The following KLHL6 variants were observed in gnomAD, a reference collection of about 807,000 sequenced individuals.
KLHL6 encodes the protein kelch-like protein 6.
KLHL6 carries 41 observed loss-of-function variants against 58.6 expected under a neutral mutation model. That is an observed-to-expected ratio of 0.70 (90% CI 0.55 to 0.91). The LOEUF is 0.91. KLHL6 is among the 40% of genes least tolerant of loss of function. The pLI is 0.00. For synonymous variants in KLHL6, 338 were observed against 322.7 expected (o/e 1.05, Z -0.51); for missense variants, 714 against 805.6 (o/e 0.89, Z 1.38).
chr3:183,537,563 G>A (rs547907610), intron 1 of KLHL6, among the ~76,000 whole-genome samples: 76 of 152,246 alleles, frequency 5.0e-4, no homozygotes, highest in African/African-American at 1.7e-3. Context: ...ACACTTGGGC[G>A]GTGAGTCAGT....
At chr3:183,496,340 A>G (rs924371621) in intron 4 of KLHL6, among the ~76,000 whole-genome samples, 4 of 152,222 alleles carry the variant, frequency 2.6e-5, no homozygotes, top group African/African-American at 9.6e-5. Flanking sequence ...ACTAATAATA[A>G]AAATCGTTAG....
At chr3:183,544,539 T>C (rs1312295103) in intron 1 of KLHL6, 1 of 152,140 alleles carries the variant, frequency 6.6e-6, no homozygotes, top group Non-Finnish European at 1.5e-5. Flanking sequence ...AAGGCAAAAG[T>C]GCGACAAATT....
chr3:183,541,751 A>T (rs901954927), intron 1 of KLHL6, among the ~76,000 whole-genome samples: 10 of 152,180 alleles, frequency 6.6e-5, no homozygotes, highest in Middle Eastern at 3.2e-3. Flanking sequence ...TCTATCAGAG[A>T]TGTGGATAAG....
rs553171698 is a variant in KLHL6, at chr3:183,534,891, T to C, written c.294-6881A>G. Among the ~76,000 whole-genome samples, 363 of 150,344 alleles carry C rather than the reference T, an allele frequency of 2.4e-3. 2 individuals are homozygous for C. Among genetic ancestry groups the C allele is most frequent in the African/African-American group, 8.1e-3 (332 of 41,080 alleles). ...CATCATATATATGTATGTATATATG[T>C]ATATATGTATGTATGTATGTATATA... On this transcript the variant is annotated intron_variant, in intron 1 of 6. Transcript: ENST00000341319.
At chr3:183,512,020 C>T (rs1381505011) in intron 2 of KLHL6, among the ~76,000 whole-genome samples, 2 of 152,180 alleles carry the variant, frequency 1.3e-5, no homozygotes, top group Admixed American at 6.5e-5. Context: ...CATGAGCAAC[C>T]GTGGAAACAG....
rs368370509 is a variant in KLHL6, at chr3:183,508,483, G to A, written c.485C>T (p.Ala162Val). Reference protein sequence around the residue: ...FQFLRMVDACASFLTEALNPE... With the variant: ...FQFLRMVDACVSFLTEALNPE... ...GTTCAAGGCTTCAGTGAGGAAGCTG[G>A]CACAGGCATCCACCATCCGCAGGAA... Residue 162 changes from alanine to valine, a missense_variant, in exon 3 of 7, where the codon GCC (alanine) becomes GTC (valine). By Grantham distance (64) the Ala-to-Val change is moderately conservative. Coordinates refer to ENST00000341319, the MANE Select transcript of KLHL6 (RefSeq NM_130446.4). The A allele has an allele frequency of 1.2e-6, 2 of 1,613,850 alleles. No homozygotes were observed. The highest frequency in any genetic ancestry group is 1.3e-5 in the African/African-American group (1 of 74,916).
chr3:183,542,894 G>GGATGGACA (rs1712600700), intron 1 of KLHL6, among the ~76,000 whole-genome samples: 1 of 151,992 alleles, frequency 6.6e-6, no homozygotes, highest in Non-Finnish European at 1.5e-5. Flanking sequence ...ATGGATGGAT[G>GGATGGACA]GATGGATGGA....
intron 1 of KLHL6, among the ~76,000 whole-genome samples, chr3:183,538,753 C>T (rs1221233045): frequency 6.6e-6 from 1 of 152,170 alleles, no homozygotes; most frequent in African/African-American, 2.4e-5. Flanking sequence ...CTTCTTAGTT[C>T]AAGGCACCAA....
intron 3 of KLHL6, among the ~76,000 whole-genome samples, chr3:183,502,950 C>T (rs922137683): frequency 6.6e-6 from 1 of 152,204 alleles, no homozygotes; most frequent in Non-Finnish European, 1.5e-5. Context: ...TTCAGCACCA[C>T]GGAGCTGCCG....
rs78325341 is a variant in KLHL6 at position 183,516,220 on chromosome 3, G to A, written c.460-7712C>T. ...TCAATAAACACTTTTAGTGTGAGGG[G>A]TGTAGGGCAACATCACATGATCCCA... On this transcript the variant is annotated intron_variant, in intron 2 of 6. Coordinates refer to ENST00000341319, the MANE Select transcript of KLHL6 (RefSeq NM_130446.4). Among the ~76,000 whole-genome samples, 750 of 152,310 alleles carry A rather than the reference G, an allele frequency of 4.9e-3. 4 individuals carry two copies. Among genetic ancestry groups the A allele is most frequent in the Non-Finnish European group, 9.1e-3 (620 of 68,030 alleles).
At chr3:183,538,843 T>C (rs1712449438) in intron 1 of KLHL6, among the ~76,000 whole-genome samples, 1 of 152,128 alleles carries the variant, frequency 6.6e-6, no homozygotes, top group African/African-American at 2.4e-5. Context: ...GTCCCCTAAG[T>C]TTTATCATAT....
At chr3:183,534,272 T>G (rs77036734) in intron 1 of KLHL6, among the ~76,000 whole-genome samples, 2,263 of 151,574 alleles carry the variant, frequency 0.015, 53 homozygotes, top group African/African-American at 0.052. Flanking sequence ...GCTCAGCATA[T>G]CTTCCCTGGA....
At chr3:183,505,270 G>A in intron 3 of KLHL6, among the ~76,000 whole-genome samples, 1 of 152,212 alleles carries the variant, frequency 6.6e-6, no homozygotes, top group South Asian at 2.1e-4. Flanking sequence ...AGCAGTACCT[G>A]GGTAAGACAC....
At chr3:183,521,454 C>T (rs1234297078) in intron 2 of KLHL6, 1 of 152,238 alleles carries the variant, frequency 6.6e-6, no homozygotes, top group African/African-American at 2.4e-5. Flanking sequence ...ACTGGGCAGT[C>T]CTCCCTGAGG....
At chr3:183,513,590 G>C (rs1039568747) in intron 2 of KLHL6, among the ~76,000 whole-genome samples, 1 of 152,184 alleles carries the variant, frequency 6.6e-6, no homozygotes, top group Non-Finnish European at 1.5e-5. Flanking sequence ...CCACAGAGGA[G>C]AATCAAATCA....
intron 2 of KLHL6, chr3:183,523,166 T>G (rs1182258139): frequency 6.6e-6 from 1 of 152,202 alleles, no homozygotes; most frequent in Non-Finnish European, 1.5e-5. Flanking sequence ...ACACACTCAT[T>G]AGTGCATTTA....
intron 4 of KLHL6, among the ~76,000 whole-genome samples, chr3:183,495,939 T>C (rs1407279192): frequency 1.3e-5 from 2 of 152,318 alleles, no homozygotes; most frequent in Non-Finnish European, 2.9e-5. Context: ...AACAATTGGT[T>C]ATTCATTTGG....
At position 183,491,698 on chromosome 3, in the gene KLHL6, T is replaced by G; in HGVS notation, c.*229A>C. On this transcript the variant is annotated 3_prime_UTR_variant, in exon 7 of 7. Coordinates refer to ENST00000341319, the MANE Select transcript of KLHL6 (RefSeq NM_130446.4). ...GGGTGGGTGGGTCCTGAATGCTAAATATTACTCTTCCTCGCCTCCCCTCCT... is the reference window on the plus strand; with the variant it reads ...GGGTGGGTGGGTCCTGAATGCTAAAGATTACTCTTCCTCGCCTCCCCTCCT... 1 of 409,852 alleles carries G rather than the reference T, an allele frequency of 2.4e-6. No individual in the cohort carries two copies. The highest frequency in any genetic ancestry group is 4.3e-6 in the Non-Finnish European group (1 of 233,126). 25.4% of individuals were successfully genotyped at this position (409,852 alleles called of 1,614,324 possible). A position where few individuals can be genotyped will look rare whatever the true frequency, so the allele number is the denominator to read the frequency against.
At chr3:183,514,835 A>C (rs149691603) in intron 2 of KLHL6, among the ~76,000 whole-genome samples, 2,199 of 151,732 alleles carry the variant, frequency 0.014, 45 homozygotes, top group African/African-American at 0.05. Context: ...CACCTGGCTA[A>C]TTTTTTTGTA....
Sources: allele counts gnomAD v4.1 joint callset (sites outside exome capture counted in the v4.1 genomes callset), GRCh38; gene constraint gnomAD v4.1.1; transcripts MANE v1.5; gene names NCBI Gene and HGNC (gene_info 2026-07-23, HGNC 2026-07-21).